The following FBN1 variants were observed in gnomAD, a reference collection of about 807,000 sequenced individuals.
FBN1 encodes fibrillin 1.
FBN1 carries 29 observed loss-of-function variants against 365.1 expected under a neutral mutation model. The ratio of observed to expected loss-of-function variants is 0.08; its 90% CI spans 0.06 to 0.11. The LOEUF (loss-of-function observed/expected upper bound fraction) is 0.11, where lower values mean the gene tolerates loss of function less well. Among genes scored for constraint, FBN1 ranks in the 10% least tolerant of loss-of-function variants. The pLI, the probability that FBN1 is intolerant of heterozygous loss-of-function variation, is 1.00. For synonymous variants in FBN1, 1,210 were observed against 1,270.5 expected, an observed-to-expected ratio of 0.95 and a Z score of 1.01; for missense variants, 2,476 against 3,703.2, an observed-to-expected ratio of 0.67 and a Z score of 8.60.
intron 18 of FBN1, among the ~76,000 whole-genome samples, chr15:48,498,736 C>T (rs911740341): frequency 1.3e-5 from 2 of 152,156 alleles, no homozygotes; most frequent in African/African-American, 4.8e-5. Flanking sequence ...CACCCATCAA[C>T]CACACTGAGA....
intron 24 of FBN1, among the ~76,000 whole-genome samples, chr15:48,492,241 T>C (rs2043566314): frequency 6.6e-6 from 1 of 152,210 alleles, no homozygotes; most frequent in Non-Finnish European, 1.5e-5. Flanking sequence ...ATAACTGTGA[T>C]GCTAGTGATT....
intron 55 of FBN1, among the ~76,000 whole-genome samples, chr15:48,432,065 T>C (rs1273717574): frequency 1.3e-5 from 2 of 152,186 alleles, no homozygotes; most frequent in African/African-American, 2.4e-5. Flanking sequence ...CTTCCCTCCT[T>C]CATTTCCTTT....
intron 46 of FBN1, 133 bp downstream of exon 46, chr15:48,448,635 T>C: frequency 1.3e-6 from 1 of 774,056 alleles, no homozygotes. Flanking sequence ...CACTGCTGCA[T>C]ATCTGTCTGT....
At chr15:48,438,967 C>A (rs550189089) in intron 50 of FBN1, among the ~76,000 whole-genome samples, 75 of 152,268 alleles carry the variant, frequency 4.9e-4, no homozygotes, top group African/African-American at 1.5e-3. Flanking sequence ...TTGTACTATT[C>A]TTCTTTCTTT....
intron 5 of FBN1, among the ~76,000 whole-genome samples, chr15:48,599,124 G>A (rs2044539533): frequency 6.6e-6 from 1 of 152,156 alleles, no homozygotes; most frequent in Non-Finnish European, 1.5e-5. Flanking sequence ...GTCTTTATCA[G>A]CAGCATGAAA....
chr15:48,481,809 G>A (rs2043467605), intron 31 of FBN1, 29 bp from the exon 32 acceptor site: 6 of 1,598,014 alleles, frequency 3.8e-6, no homozygotes, highest in African/African-American at 2.7e-5. Flanking sequence ...ATTAATATAT[G>A]TAGCTATTTG....
intron 1 of FBN1, among the ~76,000 whole-genome samples, chr15:48,645,336 C>T (rs1183801170): frequency 1.3e-5 from 2 of 152,228 alleles, no homozygotes; most frequent in African/African-American, 2.4e-5. Flanking sequence ...GCCGTCCCCG[C>T]CGACTCCGGG....
chr15:48,490,515 C>T (rs1281475671), intron 24 of FBN1, among the ~76,000 whole-genome samples: 5 of 152,150 alleles, frequency 3.3e-5, no homozygotes, highest in East Asian at 1.9e-4. Context: ...CCTTTTCCTC[C>T]GACCCACTTC....
chr15:48,473,038 T>C (rs1288873166), intron 34 of FBN1, among the ~76,000 whole-genome samples: 2 of 152,198 alleles, frequency 1.3e-5, no homozygotes, highest in South Asian at 2.1e-4. Flanking sequence ...GCACCAAAAG[T>C]GCAAAAGAAT....
chr15:48,495,191 G>C lies in FBN1; in HGVS notation c.2609C>G (p.Thr870Ser). The C allele has an allele frequency of 6.2e-7, 1 of 1,614,176 alleles. No homozygotes were observed. The highest frequency in any genetic ancestry group is 8.5e-7 in the Non-Finnish European group (1 of 1,180,028). Residue 870 changes from threonine (T) to serine (S), a missense_variant, in exon 22 of 66, where the codon ACC becomes AGC. Thr to Ser is a moderately conservative substitution (Grantham distance 58). Transcript: ENST00000316623. ...GGAGGAGCAGCACTGGGACTTTAAG[G>C]TGGCTCCATTGATGTTGATCTCACA... ...GRCEININGA[T>S]LKSQCCSSLG...
intron 44 of FBN1, among the ~76,000 whole-genome samples, chr15:48,454,983 C>A (rs1369249033): frequency 6.6e-6 from 1 of 152,190 alleles, no homozygotes; most frequent in Non-Finnish European, 1.5e-5. Context: ...CAGAGAAGCA[C>A]TTCTATGATG....
At chr15:48,561,770 A>G (rs1769252186) in intron 6 of FBN1, among the ~76,000 whole-genome samples, 1 of 152,184 alleles carries the variant, frequency 6.6e-6, no homozygotes, top group African/African-American at 2.4e-5. Flanking sequence ...ACTCATCCTT[A>G]AAGCTCATCT....
intron 22 of FBN1, 106 bp downstream of exon 22, chr15:48,495,017 C>T: frequency 7.3e-7 from 1 of 1,376,950 alleles, no homozygotes; most frequent in Non-Finnish European, 1.0e-6. Flanking sequence ...AGGATTAAAT[C>T]TTTGAAAATT....
At chr15:48,417,314 T>C (rs527270492) in intron 63 of FBN1, among the ~76,000 whole-genome samples, 74 of 152,216 alleles carry the variant, frequency 4.9e-4, no homozygotes, top group African/African-American at 1.8e-3. Context: ...TGTATATACT[T>C]AGTATATATT....
intron 36 of FBN1, among the ~76,000 whole-genome samples, chr15:48,469,557 C>T (rs1312906168): frequency 2.0e-5 from 3 of 152,092 alleles, no homozygotes; most frequent in African/African-American, 7.2e-5. Flanking sequence ...AATAGACAAA[C>T]GGCTTCTGTG....
rs199647257 is a variant in FBN1 at position 48,496,176 on chromosome 15, A to G, written c.2343T>C (p.Cys781=). 3 of 1,613,806 alleles carry G rather than the reference A, an allele frequency of 1.9e-6. No individual in the cohort carries two copies. The highest frequency in any genetic ancestry group is 2.5e-6 in the Non-Finnish European group (3 of 1,179,784). ...AGACAAAACTTCCAGGAGTATTTCT[A>G]CATTGTCCATTGTCACAAAGGAGAC... ...LNSLLCDNGQ[C]RNTPGSFVCT... is the part of the protein sequence containing the mutation. The change falls in exon 20 of 66, where the codon TGT becomes TGC. Residue 781 remains cysteine, a synonymous_variant. Coordinates refer to ENST00000316623, the MANE Select transcript of FBN1 (RefSeq NM_000138.5).
chr15:48,626,798 C>A (rs1889892213), intron 2 of FBN1, among the ~76,000 whole-genome samples: 1 of 151,748 alleles, frequency 6.6e-6, no homozygotes, highest in East Asian at 1.9e-4. Context: ...TAAAAATAGT[C>A]TAATTTAAAT....
chr15:48,623,532 A>C (rs1251562878), intron 2 of FBN1, among the ~76,000 whole-genome samples: 3 of 152,248 alleles, frequency 2.0e-5, no homozygotes, highest in Non-Finnish European at 4.4e-5. Flanking sequence ...TTCTTTGGCA[A>C]AAGAAGAAAA....
At position 48,432,898 on chromosome 15, in the gene FBN1, T is replaced by A. The variant is rs368439899; in HGVS notation, c.6707A>T (p.Tyr2236Phe). 46 of 1,613,738 alleles carry A rather than the reference T, an allele frequency of 2.9e-5. No homozygotes were observed. Among genetic ancestry groups the A allele is most frequent in the Non-Finnish European group, 3.9e-5 (46 of 1,179,684 alleles). Reference protein sequence around the residue: ...GSYECKCPVGYVLREDRRMCK... With the variant: ...GSYECKCPVGFVLREDRRMCK... ...CATCCTACGGTCTTCTCTGAGCACA[T>A]ATCCCACGGGACATTTGCATTCATA... Residue 2236 changes from tyrosine (Y) to phenylalanine (F), a missense_variant, in exon 55 of 66, where the codon TAT (tyrosine) becomes TTT (phenylalanine). Transcript: ENST00000316623.
Sources: gnomAD v4.1 joint callset for allele counts (sites outside exome capture counted in the v4.1 genomes callset) on GRCh38, gnomAD v4.1.1 for gene constraint, MANE v1.5 for transcripts, NCBI Gene and HGNC (gene_info 2026-07-23, HGNC 2026-07-21) for gene names.